Variants in NUP107 observed in about 807,000 individuals in gnomAD.
The protein encoded by NUP107 is nuclear pore complex protein Nup107.
A neutral mutation model predicts 141.0 loss-of-function variants in NUP107; 101 were observed. That is an observed-to-expected ratio of 0.72 (90% CI 0.61 to 0.84). The LOEUF is 0.84. NUP107 is among the 40% of genes least tolerant of loss of function. The pLI, the probability that NUP107 is intolerant of heterozygous loss-of-function variation, is 0.00. For missense variants in NUP107, 941 were observed against 1,102.7 expected, an observed-to-expected ratio of 0.85 and a Z score of 2.08; for synonymous variants, 319 against 363.9, an observed-to-expected ratio of 0.88 and a Z score of 1.41.
At chr12:68,700,681 A>G (rs1387037098) in intron 6 of NUP107, 45 bp from the exon 7 acceptor site, 1 of 1,430,506 alleles carries the variant, frequency 7.0e-7, no homozygotes, top group Non-Finnish European at 9.3e-7. Flanking sequence ...CAGTGACTCA[A>G]AATTGTAGAA....
At chr12:68,716,719 G>T (rs1565695951) in intron 12 of NUP107, among the ~76,000 whole-genome samples, 2 of 152,138 alleles carry the variant, frequency 1.3e-5, no homozygotes, top group Non-Finnish European at 2.9e-5. Flanking sequence ...TAATTGGACA[G>T]TTTACCAGAT....
chr12:68,706,068 C>A, intron 8 of NUP107: 1 of 788,800 alleles, frequency 1.3e-6, no homozygotes, highest in Non-Finnish European at 2.3e-6. Flanking sequence ...GCTACATCAA[C>A]AAACTTCTGC....
chr12:68,734,579 T>G, intron 24 of NUP107, 129 bp from the exon 25 acceptor site: 1 of 685,208 alleles, frequency 1.5e-6, no homozygotes, highest in South Asian at 2.3e-5. Flanking sequence ...AAAAAATATA[T>G]ATTGAACAGT....
intron 7 of NUP107, 93 bp from the exon 8 acceptor site, chr12:68,702,634 AAAAAGAAGT>A (rs1456841235): frequency 1.3e-6 from 1 of 751,840 alleles, no homozygotes; most frequent in Non-Finnish European, 2.2e-6. Flanking sequence ...AAAAATTTTT[AAAAAGAAGT>A]TAGCCAAATT....
chr12:68,709,629 G>T (rs906234728), intron 9 of NUP107, among the ~76,000 whole-genome samples: 2 of 151,922 alleles, frequency 1.3e-5, no homozygotes, highest in South Asian at 2.1e-4. Flanking sequence ...GAAACTTCAC[G>T]CCTGTAATCC....
chr12:68,695,245 A>T (rs1875994794), intron 5 of NUP107, among the ~76,000 whole-genome samples: 1 of 152,248 alleles, frequency 6.6e-6, no homozygotes, highest in South Asian at 2.1e-4. Context: ...GAATTACCAT[A>T]TGATCCAGCA....
intron 17 of NUP107, among the ~76,000 whole-genome samples, chr12:68,725,157 G>A (rs1312115960): frequency 6.6e-6 from 1 of 152,074 alleles, no homozygotes; most frequent in Non-Finnish European, 1.5e-5. Context: ...AGAAAATTTA[G>A]ACAGCCAACT....
At chr12:68,710,175 T>G (rs1876782769) in intron 10 of NUP107, 82 bp downstream of exon 10, 2 of 741,660 alleles carry the variant, frequency 2.7e-6, no homozygotes, top group South Asian at 3.1e-5. Flanking sequence ...ATTCAGTTTT[T>G]ACTTTGTTCA....
At chr12:68,728,264 G>A (rs1033578285) in intron 20 of NUP107, among the ~76,000 whole-genome samples, 3 of 148,146 alleles carry the variant, frequency 2.0e-5, no homozygotes, top group African/African-American at 7.5e-5. Flanking sequence ...CCTCCAGCTG[G>A]GTGACAGAGT....
At chr12:68,702,694 G>A (rs1227683416) in intron 7 of NUP107, 42 bp from the exon 8 acceptor site, 10 of 1,381,900 alleles carry the variant, frequency 7.2e-6, no homozygotes, top group Admixed American at 4.7e-5. Context: ...CATTATATTC[G>A]TGTGAAATAA....
intron 20 of NUP107, among the ~76,000 whole-genome samples, chr12:68,730,646 C>A (rs1254421531): frequency 2.0e-5 from 3 of 152,182 alleles, no homozygotes; most frequent in Non-Finnish European, 2.9e-5. Flanking sequence ...GTTTAAGAGC[C>A]AACTGTACTC....
chr12:68,724,133 CG>C (rs1459128449), intron 17 of NUP107, among the ~76,000 whole-genome samples: 4 of 151,382 alleles, frequency 2.6e-5, no homozygotes, highest in Non-Finnish European at 4.4e-5. Flanking sequence ...TACAAGACAA[CG>C]TTTTTTTTTT....
At chr12:68,708,066 T>C (rs1168421643) in intron 8 of NUP107, among the ~76,000 whole-genome samples, 3 of 152,166 alleles carry the variant, frequency 2.0e-5, no homozygotes, top group African/African-American at 7.2e-5. Flanking sequence ...CACTCCAGCC[T>C]GGATGACAGA....
rs567231117 is a variant in NUP107, at chr12:68,692,022, G to A, written c.358G>A (p.Gly120Arg). 118 of 1,612,394 alleles carry A rather than the reference G, an allele frequency of 7.3e-5. 1 individual carries two copies. In the South Asian group the frequency reaches 9.2e-4, roughly 13 times the overall value. The change falls in exon 5 of 28, where the codon GGG becomes AGG. Residue 120 changes from glycine to arginine, a missense_variant. Gly to Arg is a moderately radical substitution (Grantham distance 125). Coordinates refer to ENST00000229179, the MANE Select transcript of NUP107 (RefSeq NM_020401.4). ...AGCTGCATTTTCATCACAGCGTTCC[G>A]GGCTGTTCACAAACACAGAGCCCCA... ...WAAAFSSQRS[G>R]LFTNTEPHSI...
chr12:68,720,886 C>T (rs1351621335), intron 14 of NUP107, among the ~76,000 whole-genome samples: 1 of 152,048 alleles, frequency 6.6e-6, no homozygotes, highest in African/African-American at 2.4e-5. Context: ...CTGCTTTCAC[C>T]TGATATTTGG....
rs112937811 is a variant in NUP107 at position 68,721,911 on chromosome 12, T to C, written c.1382T>C (p.Val461Ala). Residue 461 changes from valine (V) to alanine (A), a missense_variant, in exon 16 of 28, where the codon GTA becomes GCA. Coordinates refer to ENST00000229179, the MANE Select transcript of NUP107 (RefSeq NM_020401.4). The stretch of plus-strand genomic sequence containing the variant: ...TTCCGGGTGATGGTGGACAGTCTGG[T>C]AGAACAGGAGATCCAGACATCAGTA... ...AYFRVMVDSL[V>A]EQEIQTSVAT... is the part of the protein sequence containing the mutation. 7 of 1,614,038 alleles carry C rather than the reference T, an allele frequency of 4.3e-6. No homozygotes were observed. Among genetic ancestry groups the C allele is most frequent in the Non-Finnish European group, 5.9e-6 (7 of 1,179,898 alleles).
intron 10 of NUP107, among the ~76,000 whole-genome samples, chr12:68,712,618 G>A (rs1025551325): frequency 1.3e-4 from 18 of 137,708 alleles, no homozygotes; most frequent in Admixed American, 1.3e-3. Flanking sequence ...CAGAAAATAA[G>A]TTTTTTTTTT....
chr12:68,715,499 AG>A (rs751980046), intron 11 of NUP107, 127 bp from the exon 12 acceptor site: 14 of 621,850 alleles, frequency 2.3e-5, no homozygotes, highest in Non-Finnish European at 4.0e-5. Flanking sequence ...GTCTCGGAAA[AG>A]AAAAAAGAAA....
In NUP107 at chr12:68,692,073, A is replaced by C; in HGVS notation, c.409A>C (p.Ser137Arg). 1 of 1,610,514 alleles carries C rather than the reference A, an allele frequency of 6.2e-7. No homozygotes were observed. Among genetic ancestry groups the C allele is most frequent in the Admixed American group, 1.7e-5 (1 of 59,056 alleles). ...PHSITEDVTI[S>R]AVMLREDDPG... ...CAGTATAACAGAAGATGTAACTATCAGTGCTGTTATGTTACGTGAGGATGA... is the reference window on the plus strand; with the variant it reads ...CAGTATAACAGAAGATGTAACTATCCGTGCTGTTATGTTACGTGAGGATGA... The change falls in exon 5 of 28, where the codon AGT (serine) becomes CGT (arginine). Residue 137 changes from serine to arginine, a missense_variant. Physicochemically the swap from Ser to Arg is moderately radical, Grantham distance 110. Transcript: ENST00000229179.
Sources: allele counts gnomAD v4.1 joint callset (sites outside exome capture counted in the v4.1 genomes callset), GRCh38; gene constraint gnomAD v4.1.1; transcripts MANE v1.5; gene names NCBI Gene and HGNC (gene_info 2026-07-23, HGNC 2026-07-21).